The following PCDHA11 variants were observed in gnomAD, a reference collection of about 807,000 sequenced individuals.
PCDHA11 encodes the protein protocadherin alpha 11.
Under a neutral mutation model 70.3 loss-of-function variants are expected in PCDHA11, and 61 were observed. The observed-to-expected ratio is 0.87, with a 90% confidence interval of 0.71 to 1.07. PCDHA11 has a LOEUF of 1.07. Ranked by LOEUF, PCDHA11 falls within the 50% of genes least tolerant of loss-of-function variation. The pLI is 0.00. For missense variants in PCDHA11, 1,324 were observed against 1,237.5 expected (o/e 1.07, Z -1.05); for synonymous variants, 633 against 555.1 (o/e 1.14, Z -1.97).
In PCDHA11 at chr5:140,871,094, T is replaced by A; in HGVS notation, c.1991T>A (p.Val664Glu). ...GEPALTATAT[V>E]LVSLVESGQA... ...CCGGCGCTGACGGCCACGGCCACCG[T>A]GCTGGTGTCGTTGGTGGAGAGCGGA... The change falls in exon 1 of 4, where the codon GTG becomes GAG. Residue 664 changes from valine to glutamate, a missense_variant. Coordinates refer to ENST00000398640, the MANE Select transcript of PCDHA11 (RefSeq NM_018902.5). The A allele has an allele frequency of 1.9e-6, 3 of 1,613,260 alleles. No individual in the cohort carries two copies. Among genetic ancestry groups the A allele is most frequent in the Non-Finnish European group, 2.5e-6 (3 of 1,179,872 alleles).
At chr5:141,000,389 CTCTCTCTATA>C (rs1363755181) in intron 3 of PCDHA11, among the ~76,000 whole-genome samples, 150 of 62,510 alleles carry the variant, frequency 2.4e-3, no homozygotes, top group African/African-American at 5.3e-3. Context: ...CTCTCTCTCT[CTCTCTCTATA>C]TATATATATA....
chr5:140,965,299 C>A (rs1295211520), intron 1 of PCDHA11, among the ~76,000 whole-genome samples: 4 of 152,134 alleles, frequency 2.6e-5, no homozygotes, highest in African/African-American at 7.2e-5. Context: ...TTCCTCTGAT[C>A]CTTCTACCTT....
At chr5:140,957,386 T>C (rs1461790676) in intron 1 of PCDHA11, among the ~76,000 whole-genome samples, 1 of 152,226 alleles carries the variant, frequency 6.6e-6, no homozygotes, top group Non-Finnish European at 1.5e-5. Context: ...TGTATTGTTA[T>C]AATTGTCCTA....
chr5:140,886,843 A>G (rs1247447766), intron 1 of PCDHA11, among the ~76,000 whole-genome samples: 8 of 150,852 alleles, frequency 5.3e-5, no homozygotes, highest in African/African-American at 1.5e-4. Flanking sequence ...AAAAAAAAAA[A>G]AAAAGAAAGG....
intron 3 of PCDHA11, among the ~76,000 whole-genome samples, chr5:140,984,667 T>A (rs1554246463): frequency 6.6e-6 from 1 of 152,160 alleles, no homozygotes; most frequent in Non-Finnish European, 1.5e-5. Flanking sequence ...TACTTTTAGG[T>A]TTTTAGGACT....
chr5:140,876,743 T>G, intron 1 of PCDHA11: 5 of 1,614,200 alleles, frequency 3.1e-6, no homozygotes, highest in Non-Finnish European at 4.2e-6. Flanking sequence ...TATGAGCTGG[T>G]GGTGACTGCG....
chr5:140,902,724 C>T (rs1463381369), intron 1 of PCDHA11, among the ~76,000 whole-genome samples: 6 of 148,640 alleles, frequency 4.0e-5, no homozygotes, highest in Admixed American at 3.3e-4. Context: ...TCCCACCCTT[C>T]CCTCCAAGTC....
intron 1 of PCDHA11, among the ~76,000 whole-genome samples, chr5:140,945,480 C>A (rs2093795468): frequency 6.6e-6 from 1 of 151,728 alleles, no homozygotes; most frequent in South Asian, 2.1e-4. Context: ...CACAAAACAC[C>A]CCAAATACCC....
At chr5:140,874,516 G>A (rs1307179066) in intron 1 of PCDHA11, among the ~76,000 whole-genome samples, 4 of 152,210 alleles carry the variant, frequency 2.6e-5, no homozygotes, top group Non-Finnish European at 5.9e-5. Context: ...CTTGACTTTA[G>A]TCAATGAGAT....
At chr5:140,984,247 C>G (rs1394918677) in intron 3 of PCDHA11, among the ~76,000 whole-genome samples, 2 of 152,138 alleles carry the variant, frequency 1.3e-5, no homozygotes, top group Non-Finnish European at 2.9e-5. Flanking sequence ...GTAGGTCGAC[C>G]TGGTAAGCCA....
chr5:140,879,012 T>C (rs2057811303), intron 1 of PCDHA11, among the ~76,000 whole-genome samples: 1 of 152,236 alleles, frequency 6.6e-6, no homozygotes, highest in African/African-American at 2.4e-5. Flanking sequence ...AGAAATCAGA[T>C]AATGTTTTAT....
chr5:140,928,539 T>G, intron 1 of PCDHA11: 1 of 1,614,222 alleles, frequency 6.2e-7, no homozygotes. Context: ...TAGATAGGAA[T>G]GACAATTATC....
In PCDHA11 at chr5:140,877,310, C is replaced by T. The variant is rs371801888; in HGVS notation, c.2391+5816C>T. ...GCTTGGCTGTCCTACGAGTTGCAACCGGCGGCGGTCGGCGCGCACATCCCG... is the reference window on the plus strand; with the variant it reads ...GCTTGGCTGTCCTACGAGTTGCAACTGGCGGCGGTCGGCGCGCACATCCCG... On this transcript the variant is annotated intron_variant, in intron 1 of 3. Transcript: ENST00000398640. 16 of 1,613,820 alleles carry T rather than the reference C, an allele frequency of 9.9e-6. No homozygotes were observed. In the African/African-American group the frequency reaches 1.9e-4, roughly 19 times the overall value.
chr5:140,976,323 G>A (rs532976656), intron 1 of PCDHA11, among the ~76,000 whole-genome samples: 26 of 152,258 alleles, frequency 1.7e-4, no homozygotes, highest in African/African-American at 6.0e-4. Context: ...GGCCGAGGAG[G>A]GTGGATTGCC....
At chr5:141,009,179 G>C (rs1343163889) in intron 3 of PCDHA11, among the ~76,000 whole-genome samples, 2 of 152,212 alleles carry the variant, frequency 1.3e-5, no homozygotes, top group Non-Finnish European at 2.9e-5. Flanking sequence ...CCTTGGCTGG[G>C]TGTGGTAGCT....
intron 1 of PCDHA11, among the ~76,000 whole-genome samples, chr5:140,974,827 G>A (rs1356890991): frequency 6.6e-6 from 1 of 152,182 alleles, no homozygotes; most frequent in Admixed American, 6.5e-5. Flanking sequence ...GCAACATAAT[G>A]ATTATTTTAA....
chr5:140,967,156 G>T, intron 1 of PCDHA11: 1 of 1,610,540 alleles, frequency 6.2e-7, no homozygotes, highest in Non-Finnish European at 8.5e-7. Context: ...ACCCCGTGGC[G>T]GTGAGCGCCG....
intron 1 of PCDHA11, among the ~76,000 whole-genome samples, chr5:140,895,800 T>C (rs1352398048): frequency 6.6e-6 from 1 of 152,182 alleles, no homozygotes; most frequent in Non-Finnish European, 1.5e-5. Context: ...ATATGTACAA[T>C]ACTGTATTGT....
rs530428922 is a variant in PCDHA11, at chr5:140,875,375, A to G, written c.2391+3881A>G. On this transcript the variant is annotated intron_variant, in intron 1 of 3. Transcript: ENST00000398640. ...TGTGATGCTGGAAAAAATTTACTAA[A>G]TATGTACTTACAGAAAAGGGTGACT... 70 of 1,456,838 alleles carry G rather than the reference A, an allele frequency of 4.8e-5. No individual in the cohort carries two copies. The African/African-American group carries it at 9.9e-4, about 21-fold the overall frequency. The allele number at this position is 1,456,838 out of a possible 1,614,324, so 90.2% of individuals were successfully genotyped here. A position where few individuals can be genotyped will look rare whatever the true frequency, so the allele number is the denominator to read the frequency against.
Sources: allele counts gnomAD v4.1 joint callset (sites outside exome capture counted in the v4.1 genomes callset), GRCh38; gene constraint gnomAD v4.1.1; transcripts MANE v1.5; gene names NCBI Gene and HGNC (gene_info 2026-07-23, HGNC 2026-07-21).